Variants in GRIK4 observed in about 807,000 individuals in gnomAD.
The protein encoded by GRIK4 is glutamate ionotropic receptor kainate type subunit 4.
In GRIK4, 40 loss-of-function variants were observed where a neutral mutation model predicts 104.9. The ratio of observed to expected loss-of-function variants is 0.38; its 90% CI spans 0.30 to 0.50. The LOEUF (loss-of-function observed/expected upper bound fraction) is 0.50, where lower values mean the gene tolerates loss of function less well. Among genes scored for constraint, GRIK4 ranks in the 20% least tolerant of loss-of-function variants. The pLI is 0.93. For missense variants in GRIK4, 1,047 were observed against 1,308.1 expected (o/e 0.80, Z 3.08); for synonymous variants, 485 against 524.9 (o/e 0.92, Z 1.04).
rs1359932612 is a variant in GRIK4 at position 120,535,387 on chromosome 11, AG to A, written c.-159+23503del. On this transcript the variant is annotated intron_variant, in intron 1 of 20. Coordinates refer to ENST00000527524, the MANE Select transcript of GRIK4 (RefSeq NM_014619.5). ...GAGTGTGAAGGGGGAGGTAAGAGGGAGGGAGGGAAGGAGGGAAGAAGGAGTT... is the reference window on the plus strand; with the variant it reads ...GAGTGTGAAGGGGGAGGTAAGAGGGAGGAGGGAAGGAGGGAAGAAGGAGTT... Among the ~76,000 whole-genome samples the A allele has an allele frequency of 2.1e-5, 3 of 146,258 alleles. No homozygotes were observed. In the East Asian group the frequency reaches 6.2e-4, roughly 30 times the overall value.
chr11:120,938,975 A>G (rs1943658852), intron 13 of GRIK4, among the ~76,000 whole-genome samples: 1 of 152,182 alleles, frequency 6.6e-6, no homozygotes, highest in South Asian at 2.1e-4. Context: ...CAGCATTTTG[A>G]GAACCACCAT....
chr11:120,981,574 G>A (rs935387215), intron 19 of GRIK4, among the ~76,000 whole-genome samples: 3 of 152,198 alleles, frequency 2.0e-5, no homozygotes, highest in Non-Finnish European at 4.4e-5. Flanking sequence ...TGAACCACTC[G>A]TTTGGTGGGA....
intron 3 of GRIK4, among the ~76,000 whole-genome samples, chr11:120,685,969 CAACATGTGTTGA>C (rs1425555733): frequency 2.6e-5 from 4 of 152,110 alleles, no homozygotes; most frequent in African/African-American, 9.7e-5. Context: ...GCGCAGAGTT[CAACATGTGTTGA>C]TCTACTTAGG....
At chr11:120,590,097 T>A (rs1341992565) in intron 1 of GRIK4, among the ~76,000 whole-genome samples, 3 of 152,246 alleles carry the variant, frequency 2.0e-5, no homozygotes, top group Non-Finnish European at 4.4e-5. Flanking sequence ...AATGCGTTTT[T>A]CATCCATGAA....
At chr11:120,601,248 A>G (rs1948882375) in intron 1 of GRIK4, among the ~76,000 whole-genome samples, 1 of 152,118 alleles carries the variant, frequency 6.6e-6, no homozygotes, top group Admixed American at 6.5e-5. Flanking sequence ...TCTAGTAAAA[A>G]TACAAAAATT....
At chr11:120,921,208 T>C (rs1208758785) in intron 13 of GRIK4, among the ~76,000 whole-genome samples, 1 of 152,190 alleles carries the variant, frequency 6.6e-6, no homozygotes, top group Non-Finnish European at 1.5e-5. Flanking sequence ...ACCTTGCTTA[T>C]TATGGGACTA....
At chr11:120,762,714 G>A (rs1163638824) in intron 3 of GRIK4, among the ~76,000 whole-genome samples, 1 of 152,130 alleles carries the variant, frequency 6.6e-6, no homozygotes, top group African/African-American at 2.4e-5. Flanking sequence ...TTTTGTCATT[G>A]GTTCTGTTTA....
rs200523419 is a variant in GRIK4, at chr11:120,911,843, C to CAA, written c.1476+6364_1476+6365dup. Among the ~76,000 whole-genome samples the CAA allele has an allele frequency of 8.0e-3, 1,009 of 125,564 alleles. 12 individuals carry two copies. Among genetic ancestry groups the CAA allele is most frequent in the East Asian group, 0.029 (128 of 4,426 alleles). The allele number at this position is 125,564 out of a possible 152,430, so 82.4% of individuals were successfully genotyped here. A position where few individuals can be genotyped will look rare whatever the true frequency, so the allele number is the denominator to read the frequency against. On this transcript the variant is annotated intron_variant, in intron 13 of 20. Transcript: ENST00000527524. Reference sequence around the variant, plus strand: ...TGAGTGACAGAGTAAGACTCCATCTCAAAAAAAAAAAAAAAGAAAAGAAAA... The same window carrying CAA: ...TGAGTGACAGAGTAAGACTCCATCTCAAAAAAAAAAAAAAAAAGAAAAGAAAA...
intron 11 of GRIK4, among the ~76,000 whole-genome samples, chr11:120,891,169 C>T (rs1225682605): frequency 6.6e-6 from 1 of 152,188 alleles, no homozygotes; most frequent in Non-Finnish European, 1.5e-5. Context: ...GTGCAAGTTC[C>T]AGGGATGACA....
At position 120,819,919 on chromosome 11, in the gene GRIK4, A is replaced by G. The variant is rs764438912; in HGVS notation, c.510A>G (p.Glu170=). ...TTACLICAKA[E]CLLNLEKLLR... ...CCTGCCTCATCTGTGCCAAAGCAGA[A>G]TGTAAGTTTCCCCAGGCTGGCTCTG... The change falls in exon 6 of 21, where the codon GAA becomes GAG. Residue 170 remains glutamate, a splice_region_variant and synonymous_variant. Coordinates refer to ENST00000527524, the MANE Select transcript of GRIK4 (RefSeq NM_014619.5). This position sits in a 1 kb window ranked among gnomAD's most constrained non-coding sequence, Gnocchi z 4.3. The G allele has an allele frequency of 5.0e-6, 8 of 1,613,588 alleles. 1 individual carries two copies. The highest frequency in any genetic ancestry group is 1.7e-5 in the Admixed American group (1 of 60,014).
intron 3 of GRIK4, among the ~76,000 whole-genome samples, chr11:120,730,735 T>A (rs562094594): frequency 1.3e-5 from 2 of 152,324 alleles, no homozygotes; most frequent in South Asian, 2.1e-4. Context: ...CCTCTTTAAT[T>A]TCTTTCATCA....
At chr11:120,733,829 C>A (rs1951180796) in intron 3 of GRIK4, among the ~76,000 whole-genome samples, 2 of 151,918 alleles carry the variant, frequency 1.3e-5, no homozygotes, top group South Asian at 4.2e-4. Context: ...CCTCCACCTC[C>A]CGGGTTCAAA....
intron 1 of GRIK4, among the ~76,000 whole-genome samples, chr11:120,528,578 T>C (rs2851410): frequency 0.79 from 120,784 of 152,130 alleles, 48,373 homozygotes; most frequent in African/African-American, 0.87. Flanking sequence ...TAAAGACATA[T>C]CAGAGACTGG....
At chr11:120,693,398 C>G (rs1950397076) in intron 3 of GRIK4, among the ~76,000 whole-genome samples, 2 of 152,208 alleles carry the variant, frequency 1.3e-5, no homozygotes, top group African/African-American at 2.4e-5. Flanking sequence ...ACCACCGTGC[C>G]AGGCTGGCAA....
intron 8 of GRIK4, among the ~76,000 whole-genome samples, chr11:120,856,409 A>G (rs571481774): frequency 2.6e-5 from 4 of 152,324 alleles, no homozygotes; most frequent in Non-Finnish European, 4.4e-5. Flanking sequence ...TAGGTATCCT[A>G]AGATCAGAGG....
At chr11:120,962,745 C>A in intron 18 of GRIK4, 64 bp downstream of exon 18, 2 of 1,030,230 alleles carry the variant, frequency 1.9e-6, no homozygotes, top group Non-Finnish European at 1.5e-6. Flanking sequence ...GTAGCTCAAA[C>A]CACTGAATAC....
In GRIK4 at chr11:120,961,094, T is replaced by C. The variant is rs1944278699; in HGVS notation, c.2040+20T>C. The C allele has an allele frequency of 6.2e-7, 1 of 1,608,678 alleles. No individual in the cohort carries two copies. The highest frequency in any genetic ancestry group is 1.7e-5 in the Admixed American group (1 of 59,630). On this transcript the variant is annotated intron_variant, in intron 17 of 20. Coordinates refer to ENST00000527524, the MANE Select transcript of GRIK4 (RefSeq NM_014619.5). ...TTCCAAGTAAACCCCATTTGGTTGC[T>C]CACCAGCATCGGGAATTGGGCAGAA...
At chr11:120,779,453 C>T (rs1952107987) in intron 3 of GRIK4, among the ~76,000 whole-genome samples, 1 of 152,124 alleles carries the variant, frequency 6.6e-6, no homozygotes, top group Admixed American at 6.5e-5. Flanking sequence ...GGCAAGGAAT[C>T]AGTTGACTGC....
chr11:120,625,795 C>G (rs1017907968), intron 1 of GRIK4, among the ~76,000 whole-genome samples: 6 of 151,810 alleles, frequency 4.0e-5, no homozygotes, highest in African/African-American at 1.5e-4. Context: ...GGTGGCAGCA[C>G]TGTGTTAGAG....
Sources: allele counts gnomAD v4.1 joint callset (sites outside exome capture counted in the v4.1 genomes callset), GRCh38; gene constraint gnomAD v4.1.1; non-coding constraint Gnocchi (gnomAD v3.1); transcripts MANE v1.5; gene names NCBI Gene and HGNC (gene_info 2026-07-23, HGNC 2026-07-21).